The following EFCAB7 variants were observed in gnomAD, a reference collection of about 807,000 sequenced individuals.
EFCAB7 encodes the protein EF-hand calcium binding domain 7.
Under a neutral mutation model 77.1 loss-of-function variants are expected in EFCAB7, and 66 were observed. The observed-to-expected ratio is 0.86, with a 90% confidence interval of 0.70 to 1.05. The LOEUF (loss-of-function observed/expected upper bound fraction) is 1.05, where lower values mean the gene tolerates loss of function less well. Ranked by LOEUF, EFCAB7 falls within the 50% of genes least tolerant of loss-of-function variation. The pLI, the probability that EFCAB7 is intolerant of heterozygous loss-of-function variation, is 0.00. For missense variants in EFCAB7, 638 were observed against 730.5 expected, an observed-to-expected ratio of 0.87 and a Z score of 1.46; for synonymous variants, 225 against 243.3, an observed-to-expected ratio of 0.92 and a Z score of 0.70.
intron 8 of EFCAB7, among the ~76,000 whole-genome samples, chr1:63,553,537 A>C (rs572733232): frequency 1.3e-5 from 2 of 152,222 alleles, no homozygotes; most frequent in African/African-American, 4.8e-5. Context: ...ACAGGGTTTC[A>C]TCATGTTGGC....
chr1:63,577,588 A>G (rs989796770), downstream of EFCAB7, among the ~76,000 whole-genome samples: 11 of 152,346 alleles, frequency 7.2e-5, no homozygotes, highest in African/African-American at 2.2e-4. Context: ...TTAGTAGAGA[A>G]GTAAAAATAG....
chr1:63,541,564 A>G (rs570972305), intron 6 of EFCAB7, among the ~76,000 whole-genome samples: 2 of 151,844 alleles, frequency 1.3e-5, no homozygotes, highest in East Asian at 1.9e-4. Flanking sequence ...TACCAACTCA[A>G]TGTTTTTGTT....
downstream of EFCAB7, among the ~76,000 whole-genome samples, chr1:63,572,992 C>T (rs988768670): frequency 5.3e-5 from 8 of 152,078 alleles, no homozygotes; most frequent in Non-Finnish European, 7.4e-5. Flanking sequence ...GCCATTTTCA[C>T]TTCTTTTGTG....
intron 10 of EFCAB7, among the ~76,000 whole-genome samples, 153 bp downstream of exon 10, chr1:63,557,400 T>TA (rs1219502291): frequency 1.3e-5 from 2 of 152,202 alleles, no homozygotes; most frequent in South Asian, 2.1e-4. Flanking sequence ...CATAAAAACT[T>TA]AAACATTTAT....
intron 7 of EFCAB7, among the ~76,000 whole-genome samples, chr1:63,546,455 C>G (rs1032808359): frequency 6.6e-6 from 1 of 152,012 alleles, no homozygotes; most frequent in African/African-American, 2.4e-5. Context: ...ACCTCCGCCT[C>G]CTGGATTCAA....
the EFCAB7 span, among the ~76,000 whole-genome samples, chr1:63,583,517 C>A: frequency 6.6e-6 from 1 of 152,128 alleles, no homozygotes; most frequent in Middle Eastern, 3.2e-3. Context: ...TGATTCAACA[C>A]TGAAGGTGTC....
intron 10 of EFCAB7, among the ~76,000 whole-genome samples, chr1:63,560,249 G>T (rs1240472314): frequency 6.6e-6 from 1 of 152,010 alleles, no homozygotes; most frequent in Non-Finnish European, 1.5e-5. Context: ...ACTGCGCCTG[G>T]CCCAAGTGTT....
chr1:63,576,716 A>ATCCCGCC (rs1379942934), downstream of EFCAB7, among the ~76,000 whole-genome samples: 49 of 151,418 alleles, frequency 3.2e-4, no homozygotes, highest in African/African-American at 1.1e-3. Flanking sequence ...ATCTGTAATA[A>ATCCCGCC]TCCCAGCTAC....
At chr1:63,582,458 T>A in the EFCAB7 span, among the ~76,000 whole-genome samples, 15 of 152,332 alleles carry the variant, frequency 9.8e-5, no homozygotes, top group African/African-American at 3.6e-4. Flanking sequence ...CCAGCAGGCA[T>A]GAGAACCTTG....
At chr1:63,582,173 A>G in the EFCAB7 span, among the ~76,000 whole-genome samples, 1 of 152,198 alleles carries the variant, frequency 6.6e-6, no homozygotes, top group Non-Finnish European at 1.5e-5. Context: ...CATAGTTCTT[A>G]TGTATTTTTC....
intron 6 of EFCAB7, among the ~76,000 whole-genome samples, chr1:63,534,603 A>T (rs1388413443): frequency 2.0e-5 from 3 of 152,150 alleles, no homozygotes; most frequent in Non-Finnish European, 2.9e-5. Context: ...ATATTTGTAG[A>T]GTGTTAATAT....
intron 8 of EFCAB7, among the ~76,000 whole-genome samples, chr1:63,554,327 GCTTT>G (rs994743238): frequency 1.1e-4 from 16 of 152,096 alleles, no homozygotes; most frequent in Admixed American, 8.5e-4. Context: ...GATACCATTT[GCTTT>G]CTTTCTTTCT....
Position 63,545,922 on chromosome 1 carries a change from C to T in EFCAB7, c.811C>T (p.Gln271Ter). 1 of 1,613,016 alleles carries T rather than the reference C, an allele frequency of 6.2e-7. No homozygotes were observed. The highest frequency in any genetic ancestry group is 8.5e-7 in the Non-Finnish European group (1 of 1,179,620). The change falls in exon 7 of 14, where the codon CAA (glutamine) becomes TAA (stop). Residue 271 changes from glutamine (Q) to a stop codon, truncating the protein, a stop_gained. Coordinates refer to ENST00000371088, the MANE Select transcript of EFCAB7 (RefSeq NM_032437.4). LOFTEE classifies it high-confidence loss of function. Reference sequence around the variant, plus strand: ...ATTTTTTCCTTCATTTCAGGACTGGCAACACATGCAATCAAAAGGTTGCTT... The same window carrying T: ...ATTTTTTCCTTCATTTCAGGACTGGTAACACATGCAATCAAAAGGTTGCTT... ...LMEPNLIKDW[Q>*]HMQSKGCFFL...
chr1:63,574,138 G>A (rs905934205), downstream of EFCAB7, among the ~76,000 whole-genome samples: 4 of 152,146 alleles, frequency 2.6e-5, no homozygotes, highest in Admixed American at 6.5e-5. Context: ...CAATTTGCCA[G>A]TCCTGGGCTG....
chr1:63,524,925 A>C (rs1436561486), intron 1 of EFCAB7, among the ~76,000 whole-genome samples: 1 of 152,224 alleles, frequency 6.6e-6, no homozygotes, highest in Non-Finnish European at 1.5e-5. Context: ...AAAGGAACAC[A>C]GTAAAACTAT....
intron 10 of EFCAB7, among the ~76,000 whole-genome samples, chr1:63,559,782 A>G (rs544921402): frequency 6.0e-4 from 92 of 152,274 alleles, no homozygotes; most frequent in Admixed American, 4.7e-3. Flanking sequence ...ACAAAGGACT[A>G]TCCTTTCTCC....
intron 1 of EFCAB7, among the ~76,000 whole-genome samples, chr1:63,524,398 G>A (rs528132739): frequency 6.6e-6 from 1 of 152,276 alleles, no homozygotes; most frequent in Admixed American, 6.5e-5. Flanking sequence ...GAAAGTGTCA[G>A]GCAGGCGGCC....
intron 6 of EFCAB7, 42 bp from the exon 7 acceptor site, chr1:63,545,874 T>C (rs1646891712): frequency 6.4e-7 from 1 of 1,557,200 alleles, no homozygotes; most frequent in Non-Finnish European, 8.8e-7. Flanking sequence ...ACTGGAAACA[T>C]TTAATAAATA....
chr1:63,536,265 C>T (rs1326274595), intron 6 of EFCAB7, among the ~76,000 whole-genome samples: 4 of 152,120 alleles, frequency 2.6e-5, no homozygotes, highest in African/African-American at 9.7e-5. Flanking sequence ...TGATATTGCC[C>T]ACTGTTGCTT....
Sources: allele counts gnomAD v4.1 joint callset (sites outside exome capture counted in the v4.1 genomes callset), GRCh38; gene constraint gnomAD v4.1.1; transcripts MANE v1.5; gene names NCBI Gene and HGNC (gene_info 2026-07-23, HGNC 2026-07-21).